The following KCTD8 variants were observed in gnomAD, a reference collection of about 807,000 sequenced individuals.
The protein encoded by KCTD8 is potassium channel tetramerization domain containing 8.
Under a neutral mutation model 31.5 loss-of-function variants are expected in KCTD8, and 27 were observed. The ratio of observed to expected loss-of-function variants is 0.86; its 90% CI spans 0.63 to 1.18. The LOEUF (loss-of-function observed/expected upper bound fraction) is 1.18. KCTD8 is among the 50% of genes most tolerant of loss of function. The pLI, the probability that KCTD8 is intolerant of heterozygous loss-of-function variation, is 0.00. For synonymous variants in KCTD8, 290 were observed against 280.0 expected, an observed-to-expected ratio of 1.04 and a Z score of -0.36; for missense variants, 658 against 647.7, an observed-to-expected ratio of 1.02 and a Z score of -0.17.
At chr4:44,275,406 T>C (rs1716725800) in intron 1 of KCTD8, among the ~76,000 whole-genome samples, 1 of 151,812 alleles carries the variant, frequency 6.6e-6, no homozygotes, top group Admixed American at 6.6e-5. Flanking sequence ...TTTTACCATA[T>C]GAGAATCAAA....
chr4:44,225,105 T>C (rs1314430134), intron 1 of KCTD8, among the ~76,000 whole-genome samples: 4 of 152,256 alleles, frequency 2.6e-5, no homozygotes, highest in Non-Finnish European at 4.4e-5. Flanking sequence ...TAGTGGTCTC[T>C]ACCAAACCTT....
At chr4:44,414,919 G>A (rs765827089) in intron 1 of KCTD8, among the ~76,000 whole-genome samples, 9 of 152,074 alleles carry the variant, frequency 5.9e-5, no homozygotes, top group Non-Finnish European at 1.0e-4. Flanking sequence ...GGTAACAGGT[G>A]GAGATTAGAC....
At chr4:44,418,516 T>C (rs1020303997) in intron 1 of KCTD8, among the ~76,000 whole-genome samples, 1 of 152,124 alleles carries the variant, frequency 6.6e-6, no homozygotes, top group Non-Finnish European at 1.5e-5. Flanking sequence ...CAGATCAACA[T>C]TAGAAAAAGC....
At chr4:44,279,639 C>T (rs973694605) in intron 1 of KCTD8, among the ~76,000 whole-genome samples, 1 of 151,986 alleles carries the variant, frequency 6.6e-6, no homozygotes, top group African/African-American at 2.4e-5. Context: ...GCATGATCTC[C>T]AGGAAACAAA....
At chr4:44,270,639 G>T (rs1368960714) in intron 1 of KCTD8, among the ~76,000 whole-genome samples, 1 of 152,036 alleles carries the variant, frequency 6.6e-6, no homozygotes, top group African/African-American at 2.4e-5. Context: ...AAAGGCTTTG[G>T]ATAATTCTGT....
chr4:44,195,672 T>G (rs184303069), intron 1 of KCTD8, among the ~76,000 whole-genome samples: 3 of 152,330 alleles, frequency 2.0e-5, no homozygotes, highest in Non-Finnish European at 2.9e-5. Context: ...GCTCCACCTT[T>G]TAACTACTTT....
intron 1 of KCTD8, among the ~76,000 whole-genome samples, chr4:44,347,539 T>C (rs1719065437): frequency 6.6e-6 from 1 of 152,166 alleles, no homozygotes; most frequent in African/African-American, 2.4e-5. Flanking sequence ...TTTGCTCCTA[T>C]TAGTTCCACA....
chr4:44,186,109 C>T (rs1381003910), intron 1 of KCTD8, among the ~76,000 whole-genome samples: 2 of 152,164 alleles, frequency 1.3e-5, no homozygotes, highest in African/African-American at 4.8e-5. Context: ...ACCCCAAGAC[C>T]CTAGCCGGCA....
chr4:44,311,212 T>C (rs1442668117), intron 1 of KCTD8, among the ~76,000 whole-genome samples: 2 of 152,098 alleles, frequency 1.3e-5, no homozygotes, highest in African/African-American at 4.8e-5. Context: ...TCAAAAATAT[T>C]TTATACCCAT....
At chr4:44,178,881 T>C (rs1264448696) in intron 1 of KCTD8, among the ~76,000 whole-genome samples, 2 of 152,136 alleles carry the variant, frequency 1.3e-5, no homozygotes, top group African/African-American at 4.8e-5. Flanking sequence ...GAAGCCCTCT[T>C]TGAAGAAGAG....
intron 1 of KCTD8, among the ~76,000 whole-genome samples, chr4:44,446,197 C>T (rs921897914): frequency 1.3e-5 from 2 of 152,182 alleles, no homozygotes; most frequent in Non-Finnish European, 2.9e-5. Context: ...GCCAACCTTC[C>T]AGTTAAGCTT....
Position 44,448,656 on chromosome 4 carries a change from G to A in KCTD8, c.-133C>T. 1 of 1,025,488 alleles carries A rather than the reference G, an allele frequency of 9.8e-7. No homozygotes were observed. The highest frequency in any genetic ancestry group is 1.3e-6 in the Non-Finnish European group (1 of 794,070). 63.5% of individuals were successfully genotyped at this position (1,025,488 alleles called of 1,614,324 possible). A position where few individuals can be genotyped will look rare whatever the true frequency, so the allele number is the denominator to read the frequency against. Reference sequence around the variant, plus strand: ...GGCGGCGCGTTCCTCCGACCGGGGCGGCCCCGCTCAGGGTTCGGGGCAGCG... The same window carrying A: ...GGCGGCGCGTTCCTCCGACCGGGGCAGCCCCGCTCAGGGTTCGGGGCAGCG... On this transcript the variant is annotated 5_prime_UTR_variant, in exon 1 of 2. Coordinates refer to ENST00000360029, the MANE Select transcript of KCTD8 (RefSeq NM_198353.3). This position sits in a 1 kb window ranked among gnomAD's most constrained non-coding sequence, Gnocchi z 4.1.
intron 1 of KCTD8, among the ~76,000 whole-genome samples, chr4:44,201,142 C>T (rs560625916): frequency 6.6e-6 from 1 of 151,986 alleles, no homozygotes; most frequent in South Asian, 2.1e-4. Context: ...CAAAATACTG[C>T]TGAAAAAAAT....
intron 1 of KCTD8, among the ~76,000 whole-genome samples, chr4:44,348,401 G>A (rs1560432562): frequency 6.6e-6 from 1 of 152,140 alleles, no homozygotes; most frequent in Admixed American, 6.6e-5. Context: ...AGTGCCATTT[G>A]TTTCAGTGAG....
chr4:44,337,047 G>T (rs1164703246), intron 1 of KCTD8, among the ~76,000 whole-genome samples: 22 of 152,070 alleles, frequency 1.4e-4, no homozygotes, highest in Admixed American at 1.4e-3. Flanking sequence ...AAGAGGATCT[G>T]AACTAATATG....
At chr4:44,390,123 GA>G (rs1720330611) in intron 1 of KCTD8, among the ~76,000 whole-genome samples, 1 of 151,998 alleles carries the variant, frequency 6.6e-6, no homozygotes, top group South Asian at 2.1e-4. Flanking sequence ...TTGTTGTGCA[GA>G]AGCATTTTAG....
chr4:44,211,667 C>A (rs1265537865), intron 1 of KCTD8, among the ~76,000 whole-genome samples: 8 of 152,000 alleles, frequency 5.3e-5, no homozygotes, highest in African/African-American at 1.7e-4. Context: ...TACAAGAATT[C>A]TGTAGAGTAT....
In KCTD8 at chr4:44,310,879, T is replaced by C. The variant is rs140493345; in HGVS notation, c.962-135629A>G. On this transcript the variant is annotated intron_variant, in intron 1 of 1. Transcript: ENST00000360029. Reference sequence around the variant, plus strand: ...TAAATTAATTATTTTCTGGATTCAGTAAAATACATTAACCCTTATAAATCC... The same window carrying C: ...TAAATTAATTATTTTCTGGATTCAGCAAAATACATTAACCCTTATAAATCC... Among the ~76,000 whole-genome samples, 1,129 of 152,234 alleles carry C rather than the reference T, an allele frequency of 7.4e-3. 4 individuals carry two copies. The highest frequency in any genetic ancestry group is 0.016 in the South Asian group (79 of 4,828).
In KCTD8 at chr4:44,305,893, C is replaced by A. The variant is rs149143241; in HGVS notation, c.962-130643G>T. 3.2e-4 allele frequency among the ~76,000 whole-genome samples: 48 copies of A among 151,798 alleles called. 1 individual carries two copies. The East Asian group carries it at 8.7e-3, about 27-fold the overall frequency. ...TCACATTTTCTGTACATGGAGGATTCATATTGGTAATTAATAACAATTTTA... is the reference window on the plus strand; with the variant it reads ...TCACATTTTCTGTACATGGAGGATTAATATTGGTAATTAATAACAATTTTA... On this transcript the variant is annotated intron_variant, in intron 1 of 1. Coordinates refer to ENST00000360029, the MANE Select transcript of KCTD8 (RefSeq NM_198353.3).
Sources: allele counts gnomAD v4.1 joint callset (sites outside exome capture counted in the v4.1 genomes callset), GRCh38; gene constraint gnomAD v4.1.1; non-coding constraint Gnocchi (gnomAD v3.1); transcripts MANE v1.5; gene names NCBI Gene and HGNC (gene_info 2026-07-23, HGNC 2026-07-21).